Variants in GABBR2 observed in about 807,000 individuals in gnomAD.
GABBR2 encodes the protein G-protein coupled receptor 51.
GABBR2 carries 23 observed loss-of-function variants against 105.6 expected under a neutral mutation model. The observed-to-expected ratio is 0.22, with a 90% CI of 0.16 to 0.31. The LOEUF (loss-of-function observed/expected upper bound fraction) is 0.31. Ranked by LOEUF, GABBR2 falls within the 10% of genes least tolerant of loss-of-function variation. The pLI is 1.00. For missense variants in GABBR2, 734 were observed against 1,245.5 expected (o/e 0.59, Z 6.18); for synonymous variants, 478 against 499.7 (o/e 0.96, Z 0.58).
At chr9:98,626,431 A>AT (rs1829737816) in intron 1 of GABBR2, among the ~76,000 whole-genome samples, 1 of 152,192 alleles carries the variant, frequency 6.6e-6, no homozygotes, top group Admixed American at 6.5e-5. Context: ...AAAAGCTGTT[A>AT]TTTTTTTAAA....
chr9:98,618,844 C>A (rs2131819862), intron 1 of GABBR2, among the ~76,000 whole-genome samples: 1 of 152,308 alleles, frequency 6.6e-6, no homozygotes, highest in African/African-American at 2.4e-5. Flanking sequence ...ACCAGTGTGA[C>A]TGTCTGGGGC....
At chr9:98,652,915 C>G (rs1830129593) in intron 1 of GABBR2, among the ~76,000 whole-genome samples, 1 of 152,250 alleles carries the variant, frequency 6.6e-6, no homozygotes, top group Non-Finnish European at 1.5e-5. Flanking sequence ...ACACCAGTGC[C>G]AGGCCCCATC....
chr9:98,351,114 C>A (rs1027735742), intron 13 of GABBR2, among the ~76,000 whole-genome samples: 2 of 151,916 alleles, frequency 1.3e-5, no homozygotes, highest in African/African-American at 4.8e-5. Context: ...CACTTTCAGT[C>A]TATTTATATC....
chr9:98,412,382 T>C lies in GABBR2; in HGVS notation c.1237-6241A>G, dbSNP rs1027162818. Among the ~76,000 whole-genome samples, 13 of 152,208 alleles carry C rather than the reference T, an allele frequency of 8.5e-5. 1 individual carries two copies. Among genetic ancestry groups the C allele is most frequent in the Non-Finnish European group, 1.5e-5 (1 of 68,026 alleles). ...TCTAGACTGCACTCTTATCTCCGGG[T>C]TGTCGAGTGTGCCTTTGGGAGGTGT... is the stretch of plus-strand genomic sequence containing the variant. On this transcript the variant is annotated intron_variant, in intron 7 of 18. Coordinates refer to ENST00000259455, the MANE Select transcript of GABBR2 (RefSeq NM_005458.8).
Position 98,306,718 on chromosome 9 carries a change from G to A in GABBR2, c.2005-373C>T, listed in dbSNP as rs1251773472. 1.6e-5 allele frequency: 4 copies of A among 254,700 alleles called. No individual in the cohort carries two copies. The highest frequency in any genetic ancestry group is 6.1e-5 in the South Asian group (1 of 16,352). 15.8% of individuals were successfully genotyped at this position (254,700 alleles called of 1,614,324 possible). A position where few individuals can be genotyped will look rare whatever the true frequency, so the allele number is the denominator to read the frequency against. On this transcript the variant is annotated intron_variant, in intron 14 of 18. Coordinates refer to ENST00000259455, the MANE Select transcript of GABBR2 (RefSeq NM_005458.8). This position sits in a 1 kb window ranked among gnomAD's most constrained non-coding sequence, Gnocchi z 5.4. ...AGGGTGAAGAGGTCTGCCCAAGGCC[G>A]CACAGCAATATGGTAGCAAAAATGG...
chr9:98,550,258 C>T (rs1474244456), intron 2 of GABBR2, among the ~76,000 whole-genome samples: 3 of 152,124 alleles, frequency 2.0e-5, no homozygotes, highest in Non-Finnish European at 2.9e-5. Flanking sequence ...AAAACTTGCC[C>T]AACAAAGCAA....
rs368176394 is a variant in GABBR2, at chr9:98,652,885, C to T, written c.321+55532G>A. Among the ~76,000 whole-genome samples, 30 of 152,332 alleles carry T rather than the reference C, an allele frequency of 2.0e-4. 1 individual carries two copies. Among genetic ancestry groups the T allele is most frequent in the Admixed American group, 1.2e-3 (18 of 15,298 alleles). On this transcript the variant is annotated intron_variant, in intron 1 of 18. Coordinates refer to ENST00000259455, the MANE Select transcript of GABBR2 (RefSeq NM_005458.8). ...CTCAACCTTGGCTGCACATTTAAAT[C>T]GCCAGGGAAGCAGTGAAACACACCA...
chr9:98,476,457 C>T (rs929977497), intron 5 of GABBR2, among the ~76,000 whole-genome samples: 3 of 152,252 alleles, frequency 2.0e-5, no homozygotes, highest in East Asian at 1.9e-4. Flanking sequence ...GTAACTCATG[C>T]ACACAACTCC....
chr9:98,380,447 A>C (rs1831951962), intron 11 of GABBR2, among the ~76,000 whole-genome samples: 1 of 151,926 alleles, frequency 6.6e-6, no homozygotes, highest in Admixed American at 6.6e-5. Context: ...CACCTGCTGG[A>C]CTCCTTGTCT....
intron 13 of GABBR2, among the ~76,000 whole-genome samples, chr9:98,333,038 C>A (rs1831054674): frequency 6.6e-6 from 1 of 152,076 alleles, no homozygotes; most frequent in Non-Finnish European, 1.5e-5. Context: ...CTGGGCTGGG[C>A]TCAGGGGTCC....
At chr9:98,399,398 A>G (rs1444300213) in intron 8 of GABBR2, among the ~76,000 whole-genome samples, 3 of 151,424 alleles carry the variant, frequency 2.0e-5, no homozygotes, top group African/African-American at 7.3e-5. Context: ...CTGCTCTCAG[A>G]TATCCTTCCT....
At chr9:98,390,200 C>A (rs1252386563) in intron 9 of GABBR2, among the ~76,000 whole-genome samples, 1 of 151,910 alleles carries the variant, frequency 6.6e-6, no homozygotes, top group Non-Finnish European at 1.5e-5. Context: ...CATGGGGAAA[C>A]CCCGTCTCTA....
chr9:98,307,642 G>A (rs1294359914), intron 14 of GABBR2, among the ~76,000 whole-genome samples: 1 of 152,146 alleles, frequency 6.6e-6, no homozygotes, highest in Non-Finnish European at 1.5e-5. Flanking sequence ...CCATCTGTTG[G>A]CTGGGTGACC....
intron 7 of GABBR2, among the ~76,000 whole-genome samples, chr9:98,452,793 G>A (rs1043131871): frequency 6.6e-6 from 1 of 152,206 alleles, no homozygotes; most frequent in African/African-American, 2.4e-5. Context: ...AGAGCAAGTA[G>A]CTTGCTTAAT....
intron 7 of GABBR2, among the ~76,000 whole-genome samples, chr9:98,412,461 C>T (rs889937002): frequency 6.6e-6 from 1 of 152,170 alleles, no homozygotes; most frequent in Non-Finnish European, 1.5e-5. Flanking sequence ...TAAGATCTGT[C>T]CTGACACATC....
chr9:98,611,708 C>G (rs1405367947), intron 1 of GABBR2, among the ~76,000 whole-genome samples: 1 of 152,204 alleles, frequency 6.6e-6, no homozygotes, highest in East Asian at 1.9e-4. Flanking sequence ...AAAGCCTCCC[C>G]AATTCTGGGT....
At chr9:98,392,030 C>T (rs1395767758) in intron 9 of GABBR2, among the ~76,000 whole-genome samples, 1 of 151,872 alleles carries the variant, frequency 6.6e-6, no homozygotes, top group Non-Finnish European at 1.5e-5. Flanking sequence ...TCTGCCCTGA[C>T]CTGCCTGGGC....
chr9:98,602,615 T>G (rs1431413117), intron 1 of GABBR2, among the ~76,000 whole-genome samples: 1 of 152,022 alleles, frequency 6.6e-6, no homozygotes, highest in African/African-American at 2.4e-5. Context: ...TTAATATCGC[T>G]CAGGAAGCAC....
Position 98,388,756 on chromosome 9 carries a change from G to C in GABBR2, c.1529+98C>G, listed in dbSNP as rs1428603153. On this transcript the variant is annotated intron_variant, in intron 10 of 18. Coordinates refer to ENST00000259455, the MANE Select transcript of GABBR2 (RefSeq NM_005458.8). This position sits in a 1 kb window ranked among gnomAD's most constrained non-coding sequence, Gnocchi z 4.4. ...GGGAAACTCTGCCCTGCAGACTTCT[G>C]TGTCCCTGGGGAATCTGTCATGTGG... 14 of 986,270 alleles carry C rather than the reference G, an allele frequency of 1.4e-5. No homozygotes were observed. In the East Asian group the frequency reaches 3.5e-4, roughly 24 times the overall value. 61.1% of individuals were successfully genotyped at this position (986,270 alleles called of 1,614,324 possible). A position where few individuals can be genotyped will look rare whatever the true frequency, so the allele number is the denominator to read the frequency against.
Sources: gnomAD v4.1 joint callset for allele counts (sites outside exome capture counted in the v4.1 genomes callset) on GRCh38, gnomAD v4.1.1 for gene constraint, Gnocchi (gnomAD v3.1) non-coding constraint, MANE v1.5 for transcripts, NCBI Gene and HGNC (gene_info 2026-07-23, HGNC 2026-07-21) for gene names.